Variants in LNX1 observed in about 807,000 individuals in gnomAD.
LNX1 encodes the protein ligand of numb-protein X 1.
In LNX1, 54 loss-of-function variants were observed where a neutral mutation model predicts 68.4. The ratio of observed to expected loss-of-function variants is 0.79; its 90% CI spans 0.63 to 0.99. LNX1 has a LOEUF of 0.99. Ranked by LOEUF, LNX1 falls within the 50% of genes least tolerant of loss-of-function variation. The pLI, the probability that LNX1 is intolerant of heterozygous loss-of-function variation, is 0.00. For synonymous variants in LNX1, 336 were observed against 350.0 expected (o/e 0.96, Z 0.45); for missense variants, 906 against 926.4 (o/e 0.98, Z 0.29).
intron 2 of LNX1, among the ~76,000 whole-genome samples, chr4:53,525,207 G>A (rs1354102544): frequency 2.0e-5 from 3 of 152,148 alleles, no homozygotes; most frequent in Admixed American, 2.0e-4. Context: ...TGGCCAGGCT[G>A]GGAGCAGTGG....
rs1376133965 is a variant in LNX1, at chr4:53,508,128, G to A, written c.480C>T (p.Pro160=). The A allele has an allele frequency of 1.9e-6, 3 of 1,614,186 alleles. No homozygotes were observed. Among genetic ancestry groups the A allele is most frequent in the South Asian group, 2.2e-5 (2 of 91,086 alleles). The change falls in exon 3 of 11, where the codon CCC becomes CCT. Residue 160 remains proline (P), a synonymous_variant. Coordinates refer to ENST00000263925, the MANE Select transcript of LNX1 (RefSeq NM_001126328.3). ...TGGCAGCTGCAGAAACCTCTGGGGA[G>A]GGAGCCGTGGCTGTGAGGCTCGCAC... The part of the protein sequence containing the change: ...DGCASLTATA[P]SPEVSAAATI...
At chr4:53,602,600 G>A (rs1333120893) in intron 2 of LNX1, among the ~76,000 whole-genome samples, 2 of 152,168 alleles carry the variant, frequency 1.3e-5, no homozygotes, top group Admixed American at 1.3e-4. Flanking sequence ...GGTCTGTGAG[G>A]GCACTTGAAT....
chr4:53,543,925 A>G (rs1317010615), intron 2 of LNX1, among the ~76,000 whole-genome samples: 17 of 152,238 alleles, frequency 1.1e-4, no homozygotes, highest in Admixed American at 6.5e-5. Flanking sequence ...ACAAAACAAT[A>G]AAAACACCAC....
At chr4:53,567,518 C>T (rs1387993093) in intron 2 of LNX1, among the ~76,000 whole-genome samples, 1 of 152,204 alleles carries the variant, frequency 6.6e-6, no homozygotes, top group East Asian at 1.9e-4. Context: ...AAATTTATAG[C>T]ACTAAGTGCC....
At chr4:53,554,060 A>G (rs1729709680) in intron 2 of LNX1, among the ~76,000 whole-genome samples, 1 of 152,196 alleles carries the variant, frequency 6.6e-6, no homozygotes, top group African/African-American at 2.4e-5. Context: ...TGTATAGGAG[A>G]CGGATGACGT....
intron 2 of LNX1, chr4:53,524,143 A>T (rs1727443477): frequency 6.6e-6 from 1 of 152,214 alleles, no homozygotes; most frequent in African/African-American, 2.4e-5. Context: ...TTGATAAGAA[A>T]TAGTCCTACG....
intron 2 of LNX1, among the ~76,000 whole-genome samples, chr4:53,553,975 A>G (rs746012621): frequency 2.6e-5 from 4 of 152,202 alleles, no homozygotes; most frequent in Non-Finnish European, 1.5e-5. Flanking sequence ...GGAATCCGGG[A>G]GTAGCCAACC....
intron 1 of LNX1, among the ~76,000 whole-genome samples, chr4:53,641,193 T>TG (rs1734666709): frequency 2.8e-5 from 1 of 35,826 alleles, no homozygotes; most frequent in Non-Finnish European, 5.2e-5. Context: ...TTCTCTGTTC[T>TG]GGGGAAGGGC....
chr4:53,516,022 G>A (rs74866954), intron 2 of LNX1, among the ~76,000 whole-genome samples: 20,928 of 152,166 alleles, frequency 0.14, 1,825 homozygotes, highest in South Asian at 0.27. Flanking sequence ...AGGCTGGGGT[G>A]GAAAGATCAC....
chr4:53,567,191 C>T (rs1730757734), intron 2 of LNX1, among the ~76,000 whole-genome samples: 2 of 144,660 alleles, frequency 1.4e-5, no homozygotes, highest in South Asian at 2.4e-4. Context: ...ACAGAATATA[C>T]ATTTTTTTCA....
intron 2 of LNX1, among the ~76,000 whole-genome samples, chr4:53,533,643 G>A (rs1050783580): frequency 7.2e-5 from 11 of 152,102 alleles, no homozygotes; most frequent in Admixed American, 6.6e-4. Context: ...CGAGTGATCC[G>A]CCCGCCTCGG....
At chr4:53,520,227 T>C (rs1727114352) in intron 2 of LNX1, among the ~76,000 whole-genome samples, 1 of 152,166 alleles carries the variant, frequency 6.6e-6, no homozygotes. Context: ...CCTTATGCAG[T>C]TGCAGGGCTT....
intron 1 of LNX1, among the ~76,000 whole-genome samples, chr4:53,585,246 G>T (rs1732092477): frequency 6.6e-6 from 1 of 152,148 alleles, no homozygotes; most frequent in Non-Finnish European, 1.5e-5. Context: ...AACTCAGTAG[G>T]CCTTTAGAGT....
chr4:53,505,210 T>C (rs896436432), intron 4 of LNX1, among the ~76,000 whole-genome samples: 2 of 152,090 alleles, frequency 1.3e-5, no homozygotes, highest in African/African-American at 4.8e-5. Context: ...CATATAATAA[T>C]CTGTTTTATA....
At chr4:53,592,062 G>A (rs151118366), upstream of LNX1, among the ~76,000 whole-genome samples, 416 of 152,098 alleles carry the variant, frequency 2.7e-3, no homozygotes, top group African/African-American at 7.4e-3. Flanking sequence ...TTTCAAAGTG[G>A]TTTTCAAACA....
At chr4:53,597,453 C>T (rs755515017) in intron 2 of LNX1, among the ~76,000 whole-genome samples, 1 of 152,208 alleles carries the variant, frequency 6.6e-6, no homozygotes, top group South Asian at 2.1e-4. Flanking sequence ...GCACTCCCCT[C>T]ACCCCCATTT....
intron 2 of LNX1, among the ~76,000 whole-genome samples, chr4:53,521,995 A>G (rs1362061434): frequency 6.6e-6 from 1 of 151,800 alleles, no homozygotes; most frequent in Non-Finnish European, 1.5e-5. Context: ...TGTAGAGACT[A>G]TGTTGCCCAG....
chr4:53,645,994 T>C (rs919219900), intron 1 of LNX1, among the ~76,000 whole-genome samples: 1 of 152,214 alleles, frequency 6.6e-6, no homozygotes, highest in African/African-American at 2.4e-5. Flanking sequence ...AAGGAATTGC[T>C]TTATTTATTC....
chr4:53,573,852 G>C lies in LNX1; in HGVS notation c.151C>G (p.Pro51Ala). The change falls in exon 2 of 11, where the codon CCC (proline) becomes GCC (alanine). Residue 51 changes from proline (P) to alanine (A), a missense_variant. Pro to Ala is a conservative substitution (Grantham distance 27). Coordinates refer to ENST00000263925, the MANE Select transcript of LNX1 (RefSeq NM_001126328.3). ...GTGTGTCCACACGGAGTGTCCAGGGGGTCCAGCAAAGCCTGCAGGCAGATG... is the reference window on the plus strand; with the variant it reads ...GTGTGTCCACACGGAGTGTCCAGGGCGTCCAGCAAAGCCTGCAGGCAGATG... ...CHICLQALLDPLDTPCGHTYC... is the reference protein window; with the variant it reads ...CHICLQALLDALDTPCGHTYC... The C allele has an allele frequency of 6.2e-7, 1 of 1,613,750 alleles. No homozygotes were observed.
Sources: allele counts gnomAD v4.1 joint callset (sites outside exome capture counted in the v4.1 genomes callset), GRCh38; gene constraint gnomAD v4.1.1; transcripts MANE v1.5; gene names NCBI Gene and HGNC (gene_info 2026-07-23, HGNC 2026-07-21).